Variants in HUNK observed in about 807,000 individuals in gnomAD.
HUNK encodes the protein hormonally up-regulated neu tumor-associated kinase.
Under a neutral mutation model 61.0 loss-of-function variants are expected in HUNK, and 21 were observed. The ratio of observed to expected loss-of-function variants is 0.34; its 90% CI spans 0.24 to 0.50. HUNK has a LOEUF of 0.50. Among genes scored for constraint, HUNK ranks in the 20% least tolerant of loss-of-function variants. The pLI, the probability that HUNK is intolerant of heterozygous loss-of-function variation, is 0.98. For missense variants in HUNK, 772 were observed against 945.7 expected, an observed-to-expected ratio of 0.82 and a Z score of 2.41; for synonymous variants, 371 against 386.1, an observed-to-expected ratio of 0.96 and a Z score of 0.46.
At chr21:31,903,382 G>C (rs1039942234) in intron 1 of HUNK, among the ~76,000 whole-genome samples, 2 of 151,850 alleles carry the variant, frequency 1.3e-5, no homozygotes, top group South Asian at 4.2e-4. Context: ...ATGGTGCTGC[G>C]TGTGTATATT....
At chr21:31,936,087 G>A (rs550858963) in intron 2 of HUNK, among the ~76,000 whole-genome samples, 2 of 152,132 alleles carry the variant, frequency 1.3e-5, no homozygotes, top group Admixed American at 6.5e-5. Flanking sequence ...GTGAGCCACC[G>A]CGCCCAACCT....
chr21:31,913,319 C>T (rs1197287322), intron 1 of HUNK, among the ~76,000 whole-genome samples: 1 of 151,530 alleles, frequency 6.6e-6, no homozygotes, highest in Non-Finnish European at 1.5e-5. Flanking sequence ...CCAGGCTGGG[C>T]TGGGTGGGAG....
intron 5 of HUNK, among the ~76,000 whole-genome samples, chr21:31,965,366 C>G (rs1181840524): frequency 3.3e-5 from 5 of 151,518 alleles, no homozygotes; most frequent in Non-Finnish European, 5.9e-5. Context: ...GGATTAGTAC[C>G]TGGGTGATGA....
Position 31,873,711 on chromosome 21 carries a change from C to T in HUNK, c.37C>T (p.Pro13Ser). 3 of 1,171,462 alleles carry T rather than the reference C, an allele frequency of 2.6e-6. No homozygotes were observed. The highest frequency in any genetic ancestry group is 8.1e-5 in the South Asian group (2 of 24,744). The allele number at this position is 1,171,462 out of a possible 1,614,324, so 72.6% of individuals were successfully genotyped here. A position where few individuals can be genotyped will look rare whatever the true frequency, so the allele number is the denominator to read the frequency against. Residue 13 changes from proline to serine, a missense_variant, in exon 1 of 11, where the codon CCG (proline) becomes TCG (serine). This residue lies in a region of HUNK where 359 missense variants were observed against 501.3 expected (regional missense o/e 0.72). Transcript: ENST00000270112. This position sits in a 1 kb window ranked among gnomAD's most constrained non-coding sequence, Gnocchi z 6.1. ...AAAGDGLLGE[P>S]AAPGGGGGAE... ...GGCGGGGGACGGGCTCCTGGGGGAG[C>T]CGGCGGCGCCTGGGGGCGGCGGCGG...
chr21:31,941,793 G>A (rs767980567), intron 3 of HUNK, among the ~76,000 whole-genome samples: 1 of 152,172 alleles, frequency 6.6e-6, no homozygotes, highest in African/African-American at 2.4e-5. Context: ...GAGGAAAGGA[G>A]TTTTTTGTTT....
chr21:31,894,787 C>G (rs1336171867), intron 1 of HUNK, among the ~76,000 whole-genome samples: 6 of 152,154 alleles, frequency 3.9e-5, no homozygotes. Flanking sequence ...ACCCTTTGCT[C>G]TAGGGCACAG....
intron 4 of HUNK, among the ~76,000 whole-genome samples, chr21:31,953,144 A>G (rs1002075328): frequency 6.6e-6 from 1 of 152,084 alleles, no homozygotes; most frequent in Non-Finnish European, 1.5e-5. Context: ...TTAAACATGT[A>G]TGGAAACTCC....
Position 31,904,607 on chromosome 21 carries a change from C to G in HUNK, c.262-19861C>G, listed in dbSNP as rs555950032. On this transcript the variant is annotated intron_variant, in intron 1 of 10. Transcript: ENST00000270112. ...TGGGATTGTTGGCGTTTCCTTGAGT[C>G]ATGTTGCTTCCTCTCCGGAGTTTCC... Among the ~76,000 whole-genome samples, 10 of 152,282 alleles carry G rather than the reference C, an allele frequency of 6.6e-5. No individual in the cohort carries two copies. The South Asian group carries it at 1.4e-3, about 22-fold the overall frequency.
At chr21:31,929,677 C>A (rs530788161) in intron 2 of HUNK, among the ~76,000 whole-genome samples, 8 of 152,314 alleles carry the variant, frequency 5.3e-5, no homozygotes, top group African/African-American at 1.4e-4. Flanking sequence ...AAGAGAAAAG[C>A]CACGGGGCTG....
chr21:31,908,657 T>C (rs2052524975), intron 1 of HUNK, among the ~76,000 whole-genome samples: 2 of 152,176 alleles, frequency 1.3e-5, no homozygotes, highest in Non-Finnish European at 2.9e-5. Flanking sequence ...TTCCCCGTCA[T>C]GGCTGGCGAG....
intron 9 of HUNK, among the ~76,000 whole-genome samples, chr21:31,995,066 G>T (rs935375765): frequency 1.3e-5 from 2 of 151,660 alleles, no homozygotes; most frequent in African/African-American, 4.8e-5. Context: ...GGCTGAGGTG[G>T]GAGGATCACT....
intron 2 of HUNK, among the ~76,000 whole-genome samples, chr21:31,936,845 T>A (rs150003958): frequency 1.4e-3 from 210 of 152,328 alleles, no homozygotes; most frequent in Non-Finnish European, 2.4e-3. Context: ...CTTAGTTTTA[T>A]TGTTCTTGGC....
rs570119476 is a variant in HUNK, at chr21:31,876,388, A to G, written c.261+2453A>G. ...CTTTAAAGAAACAATGGTGTCATTC[A>G]TAACATTTATCTCCCAAATCCAGCA... On this transcript the variant is annotated intron_variant, in intron 1 of 10. Transcript: ENST00000270112. Among the ~76,000 whole-genome samples the G allele has an allele frequency of 1.6e-4, 24 of 152,342 alleles. No homozygotes were observed. In the South Asian group the frequency reaches 5.0e-3, roughly 32 times the overall value.
intron 2 of HUNK, among the ~76,000 whole-genome samples, chr21:31,933,291 AG>A (rs1333069343): frequency 1.3e-5 from 2 of 152,184 alleles, no homozygotes; most frequent in East Asian, 3.9e-4. Flanking sequence ...CCATTGGCCA[AG>A]AAAAAGCAAC....
At chr21:31,879,545 A>G (rs2052290632) in intron 1 of HUNK, among the ~76,000 whole-genome samples, 1 of 152,206 alleles carries the variant, frequency 6.6e-6, no homozygotes, top group South Asian at 2.1e-4. Flanking sequence ...CAGTGCAGAA[A>G]CGGTGCCCAC....
chr21:31,970,956 C>T (rs1452792445), intron 6 of HUNK, among the ~76,000 whole-genome samples: 1 of 152,132 alleles, frequency 6.6e-6, no homozygotes, highest in African/African-American at 2.4e-5. Context: ...CTCACATGCT[C>T]AGGAAAACAG....
chr21:31,877,113 A>G (rs2211782), intron 1 of HUNK, among the ~76,000 whole-genome samples: 29,441 of 152,190 alleles, frequency 0.19, 3,509 homozygotes, highest in Middle Eastern at 0.29. Context: ...ACAGAAGTTG[A>G]GAGGGCACCC....
intron 2 of HUNK, among the ~76,000 whole-genome samples, chr21:31,937,063 A>G (rs540000428): frequency 1.3e-5 from 2 of 152,262 alleles, no homozygotes; most frequent in African/African-American, 4.8e-5. Context: ...AGTTTGGGAT[A>G]TTGCTGGCAT....
At chr21:31,892,591 A>G (rs2052398934) in intron 1 of HUNK, among the ~76,000 whole-genome samples, 1 of 151,150 alleles carries the variant, frequency 6.6e-6, no homozygotes, top group African/African-American at 2.4e-5. Flanking sequence ...AAAAAAAGGA[A>G]AGAAAGAAAA....
Sources: gnomAD v4.1 joint callset for allele counts (sites outside exome capture counted in the v4.1 genomes callset) on GRCh38, gnomAD v4.1.1 for gene constraint, gnomAD v4.1.1 regional missense constraint, Gnocchi (gnomAD v3.1) non-coding constraint, MANE v1.5 for transcripts, NCBI Gene and HGNC (gene_info 2026-07-23, HGNC 2026-07-21) for gene names.